The following SND1 variants were observed in gnomAD, a reference collection of about 807,000 sequenced individuals.
SND1 encodes staphylococcal nuclease domain-containing protein 1.
In SND1, 38 loss-of-function variants were observed where a neutral mutation model predicts 121.7. The ratio of observed to expected loss-of-function variants is 0.31; its 90% CI spans 0.24 to 0.41. The LOEUF (loss-of-function observed/expected upper bound fraction) is 0.41, where lower values mean the gene tolerates loss of function less well. Ranked by LOEUF, SND1 falls within the 10% of genes least tolerant of loss-of-function variation. SND1 has a pLI of 1.00. For missense variants in SND1, 868 were observed against 1,184.6 expected (o/e 0.73, Z 3.92); for synonymous variants, 401 against 447.4 (o/e 0.90, Z 1.31).
intron 15 of SND1, among the ~76,000 whole-genome samples, chr7:127,962,660 A>G (rs574038885): frequency 2.8e-4 from 42 of 152,288 alleles, no homozygotes; most frequent in African/African-American, 8.9e-4. Flanking sequence ...GGCCCAGTCT[A>G]TTCTCCATCC....
intron 14 of SND1, among the ~76,000 whole-genome samples, chr7:127,910,628 G>C (rs952231655): frequency 1.3e-5 from 2 of 152,096 alleles, no homozygotes; most frequent in African/African-American, 4.8e-5. Context: ...TGATTCTAAT[G>C]TTCCTTTCAG....
intron 16 of SND1, among the ~76,000 whole-genome samples, chr7:128,016,674 C>G (rs906581427): frequency 1.3e-5 from 2 of 152,220 alleles, no homozygotes; most frequent in Admixed American, 6.5e-5. Context: ...ACCCAGGAAC[C>G]TTTTTCTTTC....
At chr7:127,969,414 G>GA (rs1300875204) in intron 15 of SND1, among the ~76,000 whole-genome samples, 1 of 152,146 alleles carries the variant, frequency 6.6e-6, no homozygotes, top group Non-Finnish European at 1.5e-5. Flanking sequence ...TACAAAATGA[G>GA]AAAGTTATAC....
chr7:127,731,605 A>C (rs1396576531), intron 10 of SND1, among the ~76,000 whole-genome samples: 1 of 151,918 alleles, frequency 6.6e-6, no homozygotes, highest in African/African-American at 2.4e-5. Flanking sequence ...CCCTCAGAGG[A>C]CTGACTGGTT....
chr7:127,818,586 G>C (rs1262230446), intron 11 of SND1, among the ~76,000 whole-genome samples: 1 of 152,148 alleles, frequency 6.6e-6, no homozygotes, highest in Non-Finnish European at 1.5e-5. Flanking sequence ...GTGCAAATGA[G>C]TTGGAAGTCA....
In SND1 at chr7:127,764,983, G is replaced by A. The variant is rs139935836; in HGVS notation, c.1153-42501G>A. Among the ~76,000 whole-genome samples the A allele has an allele frequency of 4.9e-3, 742 of 152,240 alleles. 6 individuals carry two copies. The highest frequency in any genetic ancestry group is 6.3e-3 in the Non-Finnish European group (430 of 68,018). ...TTGAATAGAGATGGGGGTTGGTGTC[G>A]CTGTTGATGAATGGGAGGAGATTAA... On this transcript the variant is annotated intron_variant, in intron 10 of 23. Coordinates refer to ENST00000354725, the MANE Select transcript of SND1 (RefSeq NM_014390.4).
At chr7:127,908,192 C>T (rs1800379535) in intron 14 of SND1, among the ~76,000 whole-genome samples, 1 of 151,956 alleles carries the variant, frequency 6.6e-6, no homozygotes, top group African/African-American at 2.4e-5. Context: ...GTGGCTCACA[C>T]CTATAATCCC....
intron 10 of SND1, among the ~76,000 whole-genome samples, chr7:127,794,741 C>T (rs1045826406): frequency 5.3e-5 from 8 of 152,098 alleles, no homozygotes; most frequent in Non-Finnish European, 1.5e-5. Context: ...CTTTAAGTAA[C>T]GGGGTTGTCT....
intron 10 of SND1, among the ~76,000 whole-genome samples, chr7:127,724,307 A>G (rs1014099716): frequency 1.3e-5 from 2 of 152,236 alleles, no homozygotes; most frequent in Admixed American, 1.3e-4. Context: ...CTGAAGAGAT[A>G]TTAGGAATTA....
chr7:127,758,011 C>G (rs573967569), intron 10 of SND1, among the ~76,000 whole-genome samples: 34 of 152,308 alleles, frequency 2.2e-4, no homozygotes, highest in East Asian at 1.7e-3. Flanking sequence ...TGTAAGCAAT[C>G]GCTATGCCGC....
chr7:127,762,637 T>C lies in SND1; in HGVS notation c.1152+41237T>C, dbSNP rs181444314. ...AGTTACCTAAACATAGTTGGCAGCT[T>C]AGTCTAGTAGAGAGAATACTTTGCC... On this transcript the variant is annotated intron_variant, in intron 10 of 23. Transcript: ENST00000354725. 1.6e-4 allele frequency among the ~76,000 whole-genome samples: 25 copies of C among 152,354 alleles called. No homozygotes were observed. The East Asian group carries it at 4.2e-3, about 26-fold the overall frequency.
At chr7:127,773,691 GA>G (rs1797560278) in intron 10 of SND1, among the ~76,000 whole-genome samples, 1 of 151,818 alleles carries the variant, frequency 6.6e-6, no homozygotes, top group African/African-American at 2.4e-5. Flanking sequence ...CTGTCTCCTC[GA>G]AAAAAAATCT....
intron 15 of SND1, among the ~76,000 whole-genome samples, chr7:127,941,206 T>G (rs1207573981): frequency 1.3e-5 from 2 of 152,234 alleles, no homozygotes; most frequent in East Asian, 1.9e-4. Flanking sequence ...TGTAAGTTTT[T>G]GGGCTTTTTT....
Position 128,052,163 on chromosome 7 carries a change from AG to A in SND1, c.1780-22336del, listed in dbSNP as rs911268403. 9.2e-5 allele frequency among the ~76,000 whole-genome samples: 14 copies of A among 152,188 alleles called. No homozygotes were observed. Among genetic ancestry groups the A allele is most frequent in the South Asian group, 2.1e-4 (1 of 4,826 alleles). On this transcript the variant is annotated intron_variant, in intron 16 of 23. Coordinates refer to ENST00000354725, the MANE Select transcript of SND1 (RefSeq NM_014390.4). This position sits in a 1 kb window ranked among gnomAD's most constrained non-coding sequence, Gnocchi z 4.6. ...CAGTTGGAGTGCTCTGGAACTCACT[AG>A]GGCTTTCTGAGGGCAACATCAGGCC...
intron 15 of SND1, among the ~76,000 whole-genome samples, chr7:127,971,305 G>A (rs73232968): frequency 0.21 from 31,596 of 152,216 alleles, 3,678 homozygotes; most frequent in Middle Eastern, 0.3. Flanking sequence ...ACCAGCAAAG[G>A]AAGGAGAGAG....
At chr7:128,028,775 G>A in intron 16 of SND1, 1 of 1,614,048 alleles carries the variant, frequency 6.2e-7, no homozygotes, top group Non-Finnish European at 8.5e-7. Context: ...AGTTCCCCAG[G>A]CTGTTTTCTG....
At chr7:127,976,481 C>A (rs934462169) in intron 15 of SND1, among the ~76,000 whole-genome samples, 3 of 152,228 alleles carry the variant, frequency 2.0e-5, no homozygotes, top group African/African-American at 7.2e-5. Context: ...AGTTGAAATC[C>A]TGGTGCTTTG....
chr7:127,903,159 G>A (rs1255358312), intron 13 of SND1, among the ~76,000 whole-genome samples: 1 of 152,084 alleles, frequency 6.6e-6, no homozygotes, highest in Non-Finnish European at 1.5e-5. Context: ...TGAGATTACA[G>A]GCTTGAGCCC....
chr7:127,861,321 C>T (rs987743429), intron 12 of SND1, among the ~76,000 whole-genome samples: 7 of 152,142 alleles, frequency 4.6e-5, no homozygotes, highest in Non-Finnish European at 1.0e-4. Flanking sequence ...ATCAGGACTG[C>T]CTGTTTCCAT....
Sources: allele counts gnomAD v4.1 joint callset (sites outside exome capture counted in the v4.1 genomes callset), GRCh38; gene constraint gnomAD v4.1.1; non-coding constraint Gnocchi (gnomAD v3.1); transcripts MANE v1.5; gene names NCBI Gene and HGNC (gene_info 2026-07-23, HGNC 2026-07-21).